Variants in TET2 observed in about 807,000 individuals in gnomAD.
The protein encoded by TET2 is tet methylcytosine dioxygenase 2.
TET2 carries 299 observed loss-of-function variants against 142.9 expected under a neutral mutation model. The observed-to-expected ratio is 2.09, with a 90% CI of 1.90 to 2.30. The LOEUF (loss-of-function observed/expected upper bound fraction) is 2.30, where lower values mean the gene tolerates loss of function less well. TET2 is among the 30% of genes most tolerant of loss of function. The pLI is 0.00. For synonymous variants in TET2, 819 were observed against 849.0 expected (o/e 0.96, Z 0.61); for missense variants, 2,418 against 2,378.0 (o/e 1.02, Z -0.35).
chr4:105,252,877 A>C (rs1729940624), intron 6 of TET2, among the ~76,000 whole-genome samples: 1 of 152,132 alleles, frequency 6.6e-6, no homozygotes, highest in Non-Finnish European at 1.5e-5. Flanking sequence ...TTCCCGTACC[A>C]TTTCTTAAAG....
chr4:105,213,899 G>A (rs867766090), intron 2 of TET2, among the ~76,000 whole-genome samples: 12 of 151,988 alleles, frequency 7.9e-5, no homozygotes, highest in East Asian at 3.9e-4. Flanking sequence ...TCCCTCTGTC[G>A]CCCAGGGTGG....
intron 1 of TET2, among the ~76,000 whole-genome samples, chr4:105,151,337 A>C (rs1210256667): frequency 1.3e-5 from 2 of 152,190 alleles, no homozygotes; most frequent in Non-Finnish European, 2.9e-5. Context: ...CGACAACAAC[A>C]AAACCAAACA....
At chr4:105,274,158 A>G (rs1320280785) in intron 10 of TET2, among the ~76,000 whole-genome samples, 1 of 152,236 alleles carries the variant, frequency 6.6e-6, no homozygotes, top group Admixed American at 6.5e-5. Flanking sequence ...AAATATAATT[A>G]GATAGAACCT....
rs545993848 is a variant in TET2, at chr4:105,259,718, C to T, written c.3903C>T (p.Ala1301=). 43 of 1,551,060 alleles carry T rather than the reference C, an allele frequency of 2.8e-5. 1 individual carries two copies. In the South Asian group the frequency reaches 5.1e-4, roughly 18 times the overall value. Residue 1301 remains alanine, a synonymous_variant, in exon 7 of 11, where the codon GCC becomes GCT. Transcript: ENST00000380013. ...TGTACTACAATGGATGTAAGTTTGC[C>T]AGAAGCAAGATCCCAAGGAAGTTTA... ...WSMYYNGCKF[A]RSKIPRKFKL...
intron 1 of TET2, among the ~76,000 whole-genome samples, chr4:105,175,843 G>A (rs1297150718): frequency 1.3e-5 from 2 of 151,972 alleles, no homozygotes; most frequent in Non-Finnish European, 2.9e-5. Flanking sequence ...CACCTATAGA[G>A]GAGCAAAAAT....
At chr4:105,226,177 T>C (rs576138272) in intron 2 of TET2, among the ~76,000 whole-genome samples, 111 of 152,196 alleles carry the variant, frequency 7.3e-4, no homozygotes, top group Non-Finnish European at 1.5e-3. Context: ...CTTGTCTTAG[T>C]ATTGTGTGGT....
At chr4:105,147,950 A>T (rs922315020) in intron 1 of TET2, among the ~76,000 whole-genome samples, 2 of 152,290 alleles carry the variant, frequency 1.3e-5, no homozygotes, top group Non-Finnish European at 2.9e-5. Context: ...GAGCAGATTT[A>T]TAACAGTCCC....
intron 2 of TET2, among the ~76,000 whole-genome samples, chr4:105,210,712 T>C (rs1727107727): frequency 6.6e-6 from 1 of 152,200 alleles, no homozygotes; most frequent in Non-Finnish European, 1.5e-5. Context: ...TCCTTTCATG[T>C]ACTTTCTCAC....
rs563695593 is a variant in TET2 at position 105,229,291 on chromosome 4, G to A, written c.-46-4606G>A. Among the ~76,000 whole-genome samples, 14 of 152,244 alleles carry A rather than the reference G, an allele frequency of 9.2e-5. No homozygotes were observed. In the South Asian group the frequency reaches 2.7e-3, roughly 29 times the overall value. On this transcript the variant is annotated intron_variant, in intron 2 of 10. Coordinates refer to ENST00000380013, the MANE Select transcript of TET2 (RefSeq NM_001127208.3). The stretch of plus-strand genomic sequence containing the variant: ...CTAGCAGAAATAAAAACATCACTTT[G>A]TTTTCTTTGTCCAATATGAGTTATA...
At chr4:105,261,191 G>A (rs1374718240) in intron 7 of TET2, among the ~76,000 whole-genome samples, 1 of 151,956 alleles carries the variant, frequency 6.6e-6, no homozygotes, top group African/African-American at 2.4e-5. Context: ...TTCTTCATGA[G>A]CAGGGCAGGT....
chr4:105,172,144 A>T (rs1409137913), intron 1 of TET2, among the ~76,000 whole-genome samples: 1 of 152,140 alleles, frequency 6.6e-6, no homozygotes, highest in African/African-American at 2.4e-5. Flanking sequence ...AATGCATCAC[A>T]GACCTTAAAT....
chr4:105,277,596 TA>T lies in TET2; in HGVS notation c.*1079del, dbSNP rs894907396. The T allele has an allele frequency of 2.0e-4, 46 of 228,900 alleles. 2 individuals are homozygous for T. Among genetic ancestry groups the T allele is most frequent in the Admixed American group, 1.3e-3 (23 of 17,656 alleles). The allele number at this position is 228,900 out of a possible 1,614,324, so 14.2% of individuals were successfully genotyped here. On this transcript the variant is annotated 3_prime_UTR_variant, in exon 11 of 11. Coordinates refer to ENST00000380013, the MANE Select transcript of TET2 (RefSeq NM_001127208.3). ...GCTGATGAGCAATTGTGTCCATTTT[TA>T]ACACAGCCAGTTAAATCCACCATGG...
chr4:105,232,884 T>C (rs966985375), intron 2 of TET2, among the ~76,000 whole-genome samples: 1 of 152,186 alleles, frequency 6.6e-6, no homozygotes. Context: ...ACCTGGAATA[T>C]TGATAACACT....
At chr4:105,218,939 CAG>C (rs1727653320) in intron 2 of TET2, among the ~76,000 whole-genome samples, 1 of 151,844 alleles carries the variant, frequency 6.6e-6, no homozygotes, top group South Asian at 2.1e-4. Flanking sequence ...ACCTATTTAT[CAG>C]AGCTTTTCAG....
At chr4:105,259,593 A>G (rs1249914131) in intron 6 of TET2, 26 bp from the exon 7 acceptor site, 1 of 1,549,162 alleles carries the variant, frequency 6.5e-7, no homozygotes, top group East Asian at 2.4e-5. Context: ...ATCCATAGCA[A>G]TGAATTTGGT....
chr4:105,230,681 T>G (rs1039387088), intron 2 of TET2, among the ~76,000 whole-genome samples: 2 of 152,200 alleles, frequency 1.3e-5, no homozygotes, highest in African/African-American at 4.8e-5. Flanking sequence ...TATGTGGTTA[T>G]TCATTTATTT....
intron 9 of TET2, 84 bp downstream of exon 9, chr4:105,269,831 A>G (rs1730865491): frequency 2.1e-6 from 3 of 1,448,950 alleles, no homozygotes; most frequent in Admixed American, 4.1e-5. Context: ...TGGGTAATTT[A>G]TAAAGGAAAG....
upstream of TET2, chr4:105,145,970 C>A (rs995307): frequency 6.6e-6 from 1 of 152,150 alleles, no homozygotes; most frequent in Non-Finnish European, 1.5e-5. Context: ...GCACTAAGGG[C>A]ATGCCCTCGG....
At chr4:105,233,344 G>A (rs150647139) in intron 2 of TET2, among the ~76,000 whole-genome samples, 17,239 of 132,388 alleles carry the variant, frequency 0.13, 1,191 homozygotes, top group Non-Finnish European at 0.16. Context: ...AGATTGTGCC[G>A]CTGCACTCCA....
Sources: gnomAD v4.1 joint callset for allele counts (sites outside exome capture counted in the v4.1 genomes callset) on GRCh38, gnomAD v4.1.1 for gene constraint, MANE v1.5 for transcripts, NCBI Gene and HGNC (gene_info 2026-07-23, HGNC 2026-07-21) for gene names.